Variants in NEK6 observed in about 807,000 individuals in gnomAD.
NEK6 encodes NIMA related kinase 6, also known as serine/threonine-protein kinase Nek6.
In NEK6, 27 loss-of-function variants were observed where a neutral mutation model predicts 43.5. The ratio of observed to expected loss-of-function variants is 0.62; its 90% CI spans 0.46 to 0.86. The LOEUF (loss-of-function observed/expected upper bound fraction) is 0.86. NEK6 is among the 40% of genes least tolerant of loss of function. NEK6 has a pLI of 0.00. For missense variants in NEK6, 318 were observed against 414.4 expected (o/e 0.77, Z 2.02); for synonymous variants, 167 against 164.1 (o/e 1.02, Z -0.14).
chr9:124,285,301 G>C (rs1192078510), intron 1 of NEK6, among the ~76,000 whole-genome samples: 1 of 152,150 alleles, frequency 6.6e-6, no homozygotes, highest in African/African-American at 2.4e-5. Context: ...CGTTTCCACA[G>C]AGCAGGCTCT....
intron 1 of NEK6, among the ~76,000 whole-genome samples, chr9:124,285,649 T>C (rs1832123758): frequency 6.6e-6 from 1 of 152,096 alleles, no homozygotes; most frequent in African/African-American, 2.4e-5. Flanking sequence ...ACAGGCCCGC[T>C]GGCTCCACTG....
At chr9:124,323,507 G>A (rs1462582452) in intron 5 of NEK6, among the ~76,000 whole-genome samples, 2 of 152,168 alleles carry the variant, frequency 1.3e-5, no homozygotes, top group Non-Finnish European at 2.9e-5. Flanking sequence ...GACGGAGGAG[G>A]AGCAGGAGAT....
chr9:124,301,643 G>A (rs1276784791), intron 1 of NEK6, among the ~76,000 whole-genome samples: 1 of 152,192 alleles, frequency 6.6e-6, no homozygotes, highest in Non-Finnish European at 1.5e-5. Flanking sequence ...ATGTGGGGTT[G>A]AATCCGGTGT....
At chr9:124,284,681 C>T (rs1300097167) in intron 1 of NEK6, among the ~76,000 whole-genome samples, 1 of 152,248 alleles carries the variant, frequency 6.6e-6, no homozygotes, top group African/African-American at 2.4e-5. Context: ...TGCAGGAATT[C>T]TCCGGACGCC....
chr9:124,352,173 A>G lies in NEK6; in HGVS notation c.*1226A>G, dbSNP rs964822106. The G allele has an allele frequency of 6.6e-6, 1 of 152,666 alleles. No homozygotes were observed. Among genetic ancestry groups the G allele is most frequent in the Non-Finnish European group, 1.5e-5 (1 of 68,054 alleles). 9.5% of individuals were successfully genotyped at this position (152,666 alleles called of 1,614,324 possible). ...TGTCTGAGCTGTCGTCACTGACTTC[A>G]TGACAGTCTGGCCCTCCAGACAAGA... On this transcript the variant is annotated 3_prime_UTR_variant, in exon 10 of 10. Transcript: ENST00000320246.
chr9:124,282,921 C>T (rs1157121406), intron 1 of NEK6, among the ~76,000 whole-genome samples: 2 of 152,190 alleles, frequency 1.3e-5, no homozygotes, highest in Admixed American at 6.5e-5. Context: ...ATGACAGGGC[C>T]CGCCATTCCC....
At chr9:124,338,287 T>TAA (rs1829391817) in intron 7 of NEK6, among the ~76,000 whole-genome samples, 1 of 152,208 alleles carries the variant, frequency 6.6e-6, no homozygotes, top group African/African-American at 2.4e-5. Context: ...TTCATTGTGT[T>TAA]TTAATTTGCC....
rs374207588 is a variant in NEK6 at position 124,306,033 on chromosome 9, C to T, written c.90+3979C>T. ...GGTTCTAGATAGATCACTGGTGGCT[C>T]GTGCTCAAGGCTCAGGGAAGGTGAA... On this transcript the variant is annotated intron_variant, in intron 2 of 9. Transcript: ENST00000320246. 5.9e-5 allele frequency among the ~76,000 whole-genome samples: 9 copies of T among 152,210 alleles called. No homozygotes were observed. In the South Asian group the frequency reaches 8.3e-4, roughly 14 times the overall value.
intron 1 of NEK6, among the ~76,000 whole-genome samples, chr9:124,273,687 T>C (rs1339522903): frequency 6.6e-6 from 1 of 152,190 alleles, no homozygotes; most frequent in Admixed American, 6.5e-5. Flanking sequence ...TGAGCTGGCA[T>C]TTAGGCCATT....
chr9:124,332,412 G>A (rs959149211), intron 7 of NEK6, among the ~76,000 whole-genome samples: 1 of 152,224 alleles, frequency 6.6e-6, no homozygotes, highest in Non-Finnish European at 1.5e-5. Flanking sequence ...CTGAGAGAGA[G>A]TTTCTGTTCT....
intron 2 of NEK6, among the ~76,000 whole-genome samples, chr9:124,311,077 CG>C (rs371236222): frequency 3.9e-5 from 6 of 152,296 alleles, no homozygotes; most frequent in South Asian, 2.1e-4. Flanking sequence ...GCCCCTGCTC[CG>C]CAGGCATCTC....
chr9:124,350,946 G>T lies in NEK6; in HGVS notation c.941G>T (p.Ter314LeuextTer17). Residue 314 changes from the stop codon to leucine (L), a stop_lost, in exon 10 of 10, where the codon TGA (stop) becomes TTA (leucine). Transcript: ENST00000320246. ...ATGCACATCTGGATGTCCAGCACCT[G>T]AGCGTGGATGCACCGTGCCTTATCA... ...KQMHIWMSST[*>L] 6.2e-7 allele frequency: 1 copy of T among 1,604,078 alleles called. No homozygotes were observed. Among genetic ancestry groups the T allele is most frequent in the South Asian group, 1.1e-5 (1 of 90,884 alleles).
intron 8 of NEK6, among the ~76,000 whole-genome samples, chr9:124,342,976 C>A (rs891379101): frequency 2.6e-5 from 4 of 152,288 alleles, no homozygotes; most frequent in Non-Finnish European, 5.9e-5. Context: ...TTCCCAGCCC[C>A]GTTCCCTGCC....
chr9:124,350,498 GCAGAC>G (rs1830201876), intron 9 of NEK6, among the ~76,000 whole-genome samples: 3 of 33,676 alleles, frequency 8.9e-5, no homozygotes, highest in African/African-American at 2.4e-4. Flanking sequence ...GTGACTGACA[GCAGAC>G]ACACACACAC....
At chr9:124,333,282 C>T (rs991506237) in intron 7 of NEK6, among the ~76,000 whole-genome samples, 1 of 152,212 alleles carries the variant, frequency 6.6e-6, no homozygotes, top group African/African-American at 2.4e-5. Flanking sequence ...GACTTATTCC[C>T]AGACAAGTTG....
At chr9:124,293,449 CTCCTTTA>C (rs1047910312) in intron 1 of NEK6, among the ~76,000 whole-genome samples, 1 of 152,196 alleles carries the variant, frequency 6.6e-6, no homozygotes, top group Non-Finnish European at 1.5e-5. Flanking sequence ...TGCTTTGTTG[CTCCTTTA>C]ACTGAGAGAC....
chr9:124,282,839 C>T (rs1257144833), intron 1 of NEK6, among the ~76,000 whole-genome samples: 2 of 152,236 alleles, frequency 1.3e-5, no homozygotes, highest in South Asian at 2.1e-4. Context: ...GGGCTGAGAA[C>T]GTCTCAGCGC....
At chr9:124,287,517 C>T (rs1208099504) in intron 1 of NEK6, among the ~76,000 whole-genome samples, 2 of 152,210 alleles carry the variant, frequency 1.3e-5, no homozygotes, top group Non-Finnish European at 1.5e-5. Flanking sequence ...ACAAAAGTCA[C>T]TCTGTAGACC....
At chr9:124,323,065 C>T (rs1053414847) in intron 5 of NEK6, among the ~76,000 whole-genome samples, 1 of 152,204 alleles carries the variant, frequency 6.6e-6, no homozygotes, top group Non-Finnish European at 1.5e-5. Context: ...ATACAAGCAT[C>T]GTGTATCCAC....
Sources: allele counts gnomAD v4.1 joint callset (sites outside exome capture counted in the v4.1 genomes callset), GRCh38; gene constraint gnomAD v4.1.1; transcripts MANE v1.5; gene names NCBI Gene and HGNC (gene_info 2026-07-23, HGNC 2026-07-21).